The following COL15A1 variants were observed in gnomAD, a reference collection of about 807,000 sequenced individuals.
COL15A1 encodes collagen type XV alpha 1 chain.
In COL15A1, 111 loss-of-function variants were observed where a neutral mutation model predicts 165.9. That is an observed-to-expected ratio of 0.67 (90% CI 0.57 to 0.78). The LOEUF (loss-of-function observed/expected upper bound fraction) is 0.78. Among genes scored for constraint, COL15A1 ranks in the 30% least tolerant of loss-of-function variants. The pLI, the probability that COL15A1 is intolerant of heterozygous loss-of-function variation, is 0.00. For missense variants in COL15A1, 1,745 were observed against 1,789.7 expected (o/e 0.98, Z 0.45); for synonymous variants, 659 against 674.8 (o/e 0.98, Z 0.36).
chr9:99,035,338 C>T lies in COL15A1; in HGVS notation c.2221-12C>T, dbSNP rs566522597. 2.4e-5 allele frequency: 38 copies of T among 1,614,188 alleles called. No individual in the cohort carries two copies. The highest frequency in any genetic ancestry group is 3.2e-5 in the Non-Finnish European group (38 of 1,180,040). ...ACTGGATCTGAAATTCTCATTCTTG[C>T]TCCTTCCCCAGGATACCGAAGGCTC... On this transcript the variant is annotated splice_polypyrimidine_tract_variant and intron_variant, in intron 18 of 41. Transcript: ENST00000375001.
intron 2 of COL15A1, among the ~76,000 whole-genome samples, chr9:98,944,709 G>T (rs758985682): frequency 6.6e-6 from 1 of 152,236 alleles, no homozygotes; most frequent in African/African-American, 2.4e-5. Flanking sequence ...AGAAATAACG[G>T]AACTGAATTG....
chr9:98,978,323 C>T (rs534312756), intron 2 of COL15A1, among the ~76,000 whole-genome samples: 1 of 152,290 alleles, frequency 6.6e-6, no homozygotes, highest in African/African-American at 2.4e-5. Flanking sequence ...CCCTGTGTCG[C>T]CTGAACGCTT....
intron 10 of COL15A1, 63 bp downstream of exon 10, chr9:99,015,629 A>G (rs2118990412): frequency 1.3e-6 from 2 of 1,525,604 alleles, no homozygotes; most frequent in Non-Finnish European, 1.8e-6. Context: ...TCATGCGACA[A>G]CAGTCATCCT....
chr9:99,016,231 A>T (rs1838933443), intron 11 of COL15A1, 112 bp downstream of exon 11: 1 of 1,374,272 alleles, frequency 7.3e-7, no homozygotes, highest in Non-Finnish European at 9.6e-7. Flanking sequence ...GTAGGTTTTC[A>T]TGTTGGTTTG....
At chr9:98,966,558 G>A (rs957225714) in intron 2 of COL15A1, among the ~76,000 whole-genome samples, 6 of 152,200 alleles carry the variant, frequency 3.9e-5, no homozygotes, top group Non-Finnish European at 7.3e-5. Flanking sequence ...GGGGAAGCCC[G>A]GTTGTTCACA....
At position 99,009,141 on chromosome 9, in the gene COL15A1, A is replaced by G. The variant is rs562858453; in HGVS notation, c.1353+4091A>G. Among the ~76,000 whole-genome samples, 8 of 152,332 alleles carry G rather than the reference A, an allele frequency of 5.3e-5. No homozygotes were observed. In the South Asian group the frequency reaches 1.4e-3, roughly 28 times the overall value. On this transcript the variant is annotated intron_variant, in intron 9 of 41. Transcript: ENST00000375001. Reference sequence around the variant, plus strand: ...TAACATTACAATCTTCAAAACTTGCATTGAAGAGCACCTATCAGAGTCCTA... The same window carrying G: ...TAACATTACAATCTTCAAAACTTGCGTTGAAGAGCACCTATCAGAGTCCTA...
At chr9:98,971,864 T>G (rs1033694674) in intron 2 of COL15A1, among the ~76,000 whole-genome samples, 1 of 152,042 alleles carries the variant, frequency 6.6e-6, no homozygotes, top group African/African-American at 2.4e-5. Context: ...CACCCCACGC[T>G]CTCTCTCTCT....
chr9:98,987,255 C>T (rs775172668), intron 3 of COL15A1, 39 bp from the exon 4 acceptor site: 376 of 1,584,968 alleles, frequency 2.4e-4, no homozygotes, highest in Non-Finnish European at 3.2e-4. Context: ...ATGCTGTGTA[C>T]GTGCAAACCG....
At chr9:99,055,210 G>C in intron 33 of COL15A1, 52 bp from the exon 34 acceptor site, 1 of 1,584,094 alleles carries the variant, frequency 6.3e-7, no homozygotes, top group East Asian at 2.2e-5. Flanking sequence ...TTATGTCAGA[G>C]ACTGAGTTCA....
intron 26 of COL15A1, among the ~76,000 whole-genome samples, chr9:99,047,567 A>G (rs1839512253): frequency 6.6e-6 from 1 of 152,136 alleles, no homozygotes; most frequent in Non-Finnish European, 1.5e-5. Context: ...CCTGCAGGAA[A>G]GCAGGGGATG....
chr9:99,036,561 T>C (rs1446887657), intron 21 of COL15A1, among the ~76,000 whole-genome samples, 165 bp downstream of exon 21: 4 of 152,206 alleles, frequency 2.6e-5, no homozygotes, highest in Non-Finnish European at 5.9e-5. Context: ...CTCCCCCAGT[T>C]CCACTGTTCT....
rs376361228 is a variant in COL15A1, at chr9:99,069,715, C to A, written c.3996C>A (p.Val1332=). The change falls in exon 42 of 42, where the codon GTC becomes GTA. Residue 1332 remains valine, a synonymous_variant. Transcript: ENST00000375001. The part of the protein sequence containing the change: ...VIWHGSSPHG[V]RLVDNYCEAW... ...GGCATGGCTCCAGCCCCCATGGCGT[C>A]CGCCTTGTGGATAACTACTGTGAAG... 6.2e-7 allele frequency: 1 copy of A among 1,613,072 alleles called. No individual in the cohort carries two copies. The highest frequency in any genetic ancestry group is 8.5e-7 in the Non-Finnish European group (1 of 1,179,022).
At chr9:98,958,630 C>T (rs967762126) in intron 2 of COL15A1, among the ~76,000 whole-genome samples, 2 of 152,076 alleles carry the variant, frequency 1.3e-5, no homozygotes, top group Non-Finnish European at 2.9e-5. Flanking sequence ...TCTTCCCCTC[C>T]CCTTTTAGTA....
chr9:99,009,854 TTTTATAACC>T (rs1838822014), intron 9 of COL15A1, among the ~76,000 whole-genome samples: 1 of 152,238 alleles, frequency 6.6e-6, no homozygotes, highest in African/African-American at 2.4e-5. Context: ...CCATAAGCCT[TTTTATAACC>T]TTTATAACCT....
At position 99,011,405 on chromosome 9, in the gene COL15A1, T is replaced by TG. The variant is rs1564053632; in HGVS notation, c.1354-4011dup. Among the ~76,000 whole-genome samples the TG allele has an allele frequency of 3.8e-4, 27 of 71,034 alleles. No homozygotes were observed. The East Asian group carries it at 0.016, about 42-fold the overall frequency. The allele number at this position is 71,034 out of a possible 152,430, so 46.6% of individuals were successfully genotyped here. A position where few individuals can be genotyped will look rare whatever the true frequency, so the allele number is the denominator to read the frequency against. ...TAGTTTTCCTGAGCATCCCTCTTTCTGAAAAAAAAAAAAAAAAAAGTCATT... is the reference window on the plus strand; with the variant it reads ...TAGTTTTCCTGAGCATCCCTCTTTCTGGAAAAAAAAAAAAAAAAAAGTCATT... On this transcript the variant is annotated intron_variant, in intron 9 of 41. Coordinates refer to ENST00000375001, the MANE Select transcript of COL15A1 (RefSeq NM_001855.5).
At chr9:98,986,697 G>A (rs62561179) in intron 3 of COL15A1, among the ~76,000 whole-genome samples, 9,254 of 152,298 alleles carry the variant, frequency 0.061, 416 homozygotes, top group Non-Finnish European at 0.09. Context: ...GTCAGCACAC[G>A]TATTTACTGA....
At chr9:99,047,266 T>C (rs1839506235) in intron 26 of COL15A1, among the ~76,000 whole-genome samples, 1 of 152,172 alleles carries the variant, frequency 6.6e-6, no homozygotes, top group Non-Finnish European at 1.5e-5. Flanking sequence ...GCTGGATGAC[T>C]GGGGTGTCAG....
chr9:98,974,095 G>A (rs1005683924), intron 2 of COL15A1, among the ~76,000 whole-genome samples: 1 of 152,208 alleles, frequency 6.6e-6, no homozygotes, highest in African/African-American at 2.4e-5. Flanking sequence ...TGTGGTCTCA[G>A]AGGGGTAGAG....
Position 98,944,182 on chromosome 9 carries a change from G to C in COL15A1, c.32G>C (p.Trp11Ser). Residue 11 changes from tryptophan to serine, a missense_variant, in exon 2 of 42, where the codon TGG becomes TCG. Physicochemically the swap from Trp to Ser is radical, Grantham distance 177. Coordinates refer to ENST00000375001, the MANE Select transcript of COL15A1 (RefSeq NM_001855.5). ...TGCAGGAGGAACAACGGGCAGTGCTGGTGTCTGCTGATGCTGCTCTCGGTC... is the reference window on the plus strand; with the variant it reads ...TGCAGGAGGAACAACGGGCAGTGCTCGTGTCTGCTGATGCTGCTCTCGGTC... MAPRRNNGQCWCLLMLLSVST... is the reference protein window; with the variant it reads MAPRRNNGQCSCLLMLLSVST... 6.2e-7 allele frequency: 1 copy of C among 1,614,124 alleles called. No homozygotes were observed. Among genetic ancestry groups the C allele is most frequent in the Non-Finnish European group, 8.5e-7 (1 of 1,179,992 alleles).
Sources: allele counts gnomAD v4.1 joint callset (sites outside exome capture counted in the v4.1 genomes callset), GRCh38; gene constraint gnomAD v4.1.1; transcripts MANE v1.5; gene names NCBI Gene and HGNC (gene_info 2026-07-23, HGNC 2026-07-21).